The following PDILT variants were observed in gnomAD, a reference collection of about 807,000 sequenced individuals.
PDILT encodes protein disulfide-isomerase-like protein of the testis.
Under a neutral mutation model 53.7 loss-of-function variants are expected in PDILT, and 43 were observed. The observed-to-expected ratio is 0.80, with a 90% CI of 0.63 to 1.03. The LOEUF is 1.03. PDILT is among the 50% of genes least tolerant of loss of function. The pLI, the probability that PDILT is intolerant of heterozygous loss-of-function variation, is 0.00. For synonymous variants in PDILT, 282 were observed against 274.2 expected (o/e 1.03, Z -0.28); for missense variants, 727 against 712.3 (o/e 1.02, Z -0.24).
In PDILT at chr16:20,360,579, C is replaced by T. The variant is rs555406858; in HGVS notation, c.1495G>A (p.Asp499Asn). The T allele has an allele frequency of 1.2e-6, 2 of 1,613,720 alleles. No homozygotes were observed. The highest frequency in any genetic ancestry group is 2.2e-5 in the South Asian group (2 of 91,064). ...CTGTTGCCCCTTACCTCATCCTCATCCTCAATCTTAGTTTTGATGTGGCTT... is the reference window on the plus strand; with the variant it reads ...CTGTTGCCCCTTACCTCATCCTCATTCTCAATCTTAGTTTTGATGTGGCTT... ...LESHIKTKIEDEDELLSVEQN... is the reference protein window; with the variant it reads ...LESHIKTKIENEDELLSVEQN... The change falls in exon 11 of 12, where the codon GAT becomes AAT. Residue 499 changes from aspartate (D) to asparagine (N), a missense_variant. Physicochemically the swap from Asp to Asn is conservative, Grantham distance 23. Coordinates refer to ENST00000302451, the MANE Select transcript of PDILT (RefSeq NM_174924.2).
intron 3 of PDILT, among the ~76,000 whole-genome samples, chr16:20,382,869 A>T (rs1312730605): frequency 6.6e-6 from 1 of 152,218 alleles, no homozygotes; most frequent in Non-Finnish European, 1.5e-5. Flanking sequence ...CAGTCTCTTT[A>T]GAGGACCCAG....
At chr16:20,360,497 T>C (rs771504112) in intron 11 of PDILT, 71 bp downstream of exon 11, 184 of 1,329,712 alleles carry the variant, frequency 1.4e-4, no homozygotes, top group Non-Finnish European at 1.9e-4. Flanking sequence ...CCATACTCTT[T>C]TGTTGTCCAT....
chr16:20,369,708 C>A lies in PDILT; in HGVS notation c.919-19G>T, dbSNP rs751010728. On this transcript the variant is annotated intron_variant, in intron 7 of 11. Transcript: ENST00000302451. ...AAAGGATCTGCCAAAGAAAACAAAA[C>A]CCTTGTCTCTCTGGATCCTTTGCCA... The A allele has an allele frequency of 3.7e-6, 6 of 1,612,788 alleles. No homozygotes were observed. Among genetic ancestry groups the A allele is most frequent in the East Asian group, 2.2e-5 (1 of 44,874 alleles).
rs574645569 is a variant in PDILT, at chr16:20,363,470, T to C, written c.1238-888A>G. Among the ~76,000 whole-genome samples the C allele has an allele frequency of 3.8e-4, 10 of 25,986 alleles. No homozygotes were observed. In the South Asian group the frequency reaches 4.1e-3, roughly 11 times the overall value. 17.0% of individuals were successfully genotyped at this position (25,986 alleles called of 152,430 possible). A position where few individuals can be genotyped will look rare whatever the true frequency, so the allele number is the denominator to read the frequency against. ...AAAAGTGTGTGTGTGTTTTTGTGTA[T>C]GTGTATGTGTGTGTGTGTGTGTGTG... On this transcript the variant is annotated intron_variant, in intron 9 of 11. Transcript: ENST00000302451.
intron 2 of PDILT, among the ~76,000 whole-genome samples, chr16:20,394,191 A>G (rs536664875): frequency 1.3e-5 from 2 of 152,328 alleles, no homozygotes; most frequent in South Asian, 4.1e-4. Flanking sequence ...TTTGAGAAAC[A>G]GCTGTCCCTT....
At position 20,374,962 on chromosome 16, in the gene PDILT, A is replaced by G; in HGVS notation, c.544-3T>C. On this transcript the variant is annotated splice_region_variant and splice_polypyrimidine_tract_variant and intron_variant, in intron 4 of 11. Coordinates refer to ENST00000302451, the MANE Select transcript of PDILT (RefSeq NM_174924.2). ...TCTGCTACTTCTTCCTCTAAATCCT[A>G]TTTGGGAAAGGATGTTTGGAAAGGC... is the stretch of plus-strand genomic sequence containing the variant. The G allele has an allele frequency of 1.9e-6, 3 of 1,601,418 alleles. No individual in the cohort carries two copies. The highest frequency in any genetic ancestry group is 2.2e-5 in the South Asian group (2 of 89,500).
intron 9 of PDILT, among the ~76,000 whole-genome samples, chr16:20,363,284 T>C (rs948829234): frequency 1.1e-4 from 17 of 152,316 alleles, no homozygotes; most frequent in Admixed American, 3.3e-4. Flanking sequence ...GATCCTTCCA[T>C]CTCAGCTTCC....
chr16:20,362,481 C>A lies in PDILT; in HGVS notation c.1339G>T (p.Val447Phe), dbSNP rs11865916. The change falls in exon 10 of 12, where the codon GTC (valine) becomes TTC (phenylalanine). Residue 447 changes from valine (V) to phenylalanine (F), a missense_variant. By Grantham distance (50) the Val-to-Phe change is conservative (BLOSUM62 -1). Coordinates refer to ENST00000302451, the MANE Select transcript of PDILT (RefSeq NM_174924.2). ...ATCAGCTGAATGTCATTTGCTGTGACATCGATCTTGGCAATGATAATTGTG... is the reference window on the plus strand; with the variant it reads ...ATCAGCTGAATGTCATTTGCTGTGAAATCGATCTTGGCAATGATAATTGTG... ...HSTIIIAKID[V>F]TANDIQLMYL... The A allele has an allele frequency of 1.9e-6, 3 of 1,614,178 alleles. No homozygotes were observed. Among genetic ancestry groups the A allele is most frequent in the South Asian group, 1.1e-5 (1 of 91,082 alleles).
chr16:20,403,320 G>T (rs573082921), intron 1 of PDILT, among the ~76,000 whole-genome samples: 2 of 152,094 alleles, frequency 1.3e-5, no homozygotes, highest in Admixed American at 1.3e-4. Context: ...ACAGAGTTTT[G>T]CTCTTGTTGC....
At chr16:20,378,639 T>C (rs1356954444) in intron 3 of PDILT, among the ~76,000 whole-genome samples, 1 of 152,162 alleles carries the variant, frequency 6.6e-6, no homozygotes, top group Non-Finnish European at 1.5e-5. Context: ...GGCCCCAATG[T>C]GTGATGTTCC....
Position 20,402,343 on chromosome 16 carries a change from G to A in PDILT, c.-8+2153C>T, listed in dbSNP as rs922905678. Among the ~76,000 whole-genome samples the A allele has an allele frequency of 1.2e-4, 17 of 142,456 alleles. No individual in the cohort carries two copies. The Admixed American group carries it at 1.2e-3, about 10-fold the overall frequency. The allele number at this position is 142,456 out of a possible 152,430, so 93.5% of individuals were successfully genotyped here. On this transcript the variant is annotated intron_variant, in intron 1 of 11. Coordinates refer to ENST00000302451, the MANE Select transcript of PDILT (RefSeq NM_174924.2). ...AGACAGGGTCTCGCTCTGTCGCCCA[G>A]GCTGCAATGCAGTGGCGCGATCTCG... is the stretch of plus-strand genomic sequence containing the variant.
intron 11 of PDILT, among the ~76,000 whole-genome samples, chr16:20,359,863 C>G (rs568408998): frequency 6.6e-6 from 1 of 152,322 alleles, no homozygotes; most frequent in South Asian, 2.1e-4. Context: ...CAGGACTGGA[C>G]AGGTGACCAG....
At chr16:20,399,400 T>G (rs1230588945) in intron 1 of PDILT, 93 bp from the exon 2 acceptor site, 2 of 1,365,712 alleles carry the variant, frequency 1.5e-6, no homozygotes, top group Non-Finnish European at 1.0e-6. Flanking sequence ...CTGGTCCATG[T>G]AGGGTGAATG....
At position 20,369,628 on chromosome 16, in the gene PDILT, C is replaced by T. The variant is rs138528971; in HGVS notation, c.980G>A (p.Arg327Gln). The stretch of plus-strand genomic sequence containing the variant: ...GGATGGGATATCGACCTCTGTGACC[C>T]GGAAGTACTTGAAGACACGTCCATT... Reference protein sequence around the residue: ...PRNGRVFKYFRVTEVDIPSVQ... With the variant: ...PRNGRVFKYFQVTEVDIPSVQ... Residue 327 changes from arginine to glutamine, a missense_variant, in exon 8 of 12, where the codon CGG becomes CAG. Arg to Gln is a conservative substitution (Grantham distance 43, BLOSUM62 1). Coordinates refer to ENST00000302451, the MANE Select transcript of PDILT (RefSeq NM_174924.2). The T allele has an allele frequency of 1.9e-5, 31 of 1,614,046 alleles. No individual in the cohort carries two copies. Among genetic ancestry groups the T allele is most frequent in the South Asian group, 1.9e-4 (17 of 91,080 alleles).
intron 8 of PDILT, among the ~76,000 whole-genome samples, chr16:20,368,971 T>C (rs1240127233): frequency 6.6e-6 from 1 of 152,166 alleles, no homozygotes; most frequent in African/African-American, 2.4e-5. Flanking sequence ...TGTGGAGACA[T>C]AGACAGTGGG....
At chr16:20,364,515 T>C (rs1966161280) in intron 9 of PDILT, among the ~76,000 whole-genome samples, 1 of 152,182 alleles carries the variant, frequency 6.6e-6, no homozygotes, top group South Asian at 2.1e-4. Context: ...CACCATACCT[T>C]CCTCACAAAC....
At chr16:20,375,089 C>G in intron 4 of PDILT, 130 bp from the exon 5 acceptor site, 1 of 1,044,896 alleles carries the variant, frequency 9.6e-7, no homozygotes, top group South Asian at 1.8e-5. Flanking sequence ...CCTGGGTCAC[C>G]CAAATCCTCT....
chr16:20,359,237 A>G lies in PDILT; in HGVS notation c.*82T>C. ...CCCACCTACCCTACCACAATGATAT[A>G]TGCTTTTATTGGAATCAATCCATTC... On this transcript the variant is annotated 3_prime_UTR_variant, in exon 12 of 12. Transcript: ENST00000302451. 6.4e-7 allele frequency: 1 copy of G among 1,568,030 alleles called. No homozygotes were observed. Among genetic ancestry groups the G allele is most frequent in the South Asian group, 1.2e-5 (1 of 81,174 alleles).
At chr16:20,362,258 G>C in intron 10 of PDILT, 146 bp downstream of exon 10, 2 of 849,514 alleles carry the variant, frequency 2.4e-6, no homozygotes. Flanking sequence ...AATAATCTTT[G>C]AACTTGAATG....
Sources: allele counts gnomAD v4.1 joint callset (sites outside exome capture counted in the v4.1 genomes callset), GRCh38; gene constraint gnomAD v4.1.1; transcripts MANE v1.5; gene names NCBI Gene and HGNC (gene_info 2026-07-23, HGNC 2026-07-21).